PLXNA2: variants seen among roughly 807,000 people sequenced by gnomAD.
The protein encoded by PLXNA2 is plexin-A2.
A neutral mutation model predicts 193.5 loss-of-function variants in PLXNA2; 91 were observed. The ratio of observed to expected loss-of-function variants is 0.47; its 90% confidence interval spans 0.40 to 0.56. The LOEUF is 0.56. Ranked by LOEUF, PLXNA2 falls within the 20% of genes least tolerant of loss-of-function variation. The pLI, the probability that PLXNA2 is intolerant of heterozygous loss-of-function variation, is 0.00. For missense variants in PLXNA2, 1,995 were observed against 2,503.2 expected (o/e 0.80, Z 4.33); for synonymous variants, 997 against 1,027.3 (o/e 0.97, Z 0.56).
chr1:208,104,398 G>A (rs1287242655), intron 4 of PLXNA2, among the ~76,000 whole-genome samples: 1 of 152,210 alleles, frequency 6.6e-6, no homozygotes, highest in Non-Finnish European at 1.5e-5. Context: ...CACAGATTCT[G>A]CCCTCCCAGA....
At chr1:208,138,671 G>A (rs962110854) in intron 4 of PLXNA2, among the ~76,000 whole-genome samples, 5 of 152,208 alleles carry the variant, frequency 3.3e-5, no homozygotes, top group African/African-American at 1.2e-4. Context: ...GATCCCTTGA[G>A]CCCAAGAGTT....
At chr1:208,114,674 C>T (rs574126959) in intron 4 of PLXNA2, among the ~76,000 whole-genome samples, 19 of 152,358 alleles carry the variant, frequency 1.2e-4, no homozygotes, top group Admixed American at 5.2e-4. Context: ...AAAACTTGGG[C>T]ATCTTGTCCT....
chr1:208,130,746 C>G (rs1208211881), intron 4 of PLXNA2, among the ~76,000 whole-genome samples: 1 of 152,174 alleles, frequency 6.6e-6, no homozygotes, highest in African/African-American at 2.4e-5. Context: ...CCTGCCACCT[C>G]CCTCCCGCAA....
chr1:208,170,512 G>A (rs1669461489), intron 3 of PLXNA2, among the ~76,000 whole-genome samples: 1 of 152,222 alleles, frequency 6.6e-6, no homozygotes, highest in Admixed American at 6.5e-5. Flanking sequence ...GGGGCTGGAT[G>A]CCTGCCAGAG....
rs1052972327 is a variant in PLXNA2, at chr1:208,030,591, G to A, written c.5225+999C>T. Reference sequence around the variant, plus strand: ...GGAAGGCTCAGCGACCACAAGACCCGGGAGGAGGAAGGAAGAGATGGGGCT... The same window carrying A: ...GGAAGGCTCAGCGACCACAAGACCCAGGAGGAGGAAGGAAGAGATGGGGCT... On this transcript the variant is annotated intron_variant, in intron 29 of 31. Transcript: ENST00000367033. 14 of 985,294 alleles carry A rather than the reference G, an allele frequency of 1.4e-5. No individual in the cohort carries two copies. The African/African-American group carries it at 1.6e-4, about 11-fold the overall frequency. 61.0% of individuals were successfully genotyped at this position (985,294 alleles called of 1,614,324 possible).
intron 3 of PLXNA2, among the ~76,000 whole-genome samples, chr1:208,161,607 C>T (rs766163214): frequency 2.8e-4 from 43 of 152,134 alleles, no homozygotes; most frequent in Non-Finnish European, 5.6e-4. Flanking sequence ...CTATGGTGCA[C>T]GAGTGTCCTT....
At chr1:208,047,416 C>T (rs1211789799) in intron 17 of PLXNA2, among the ~76,000 whole-genome samples, 2 of 152,236 alleles carry the variant, frequency 1.3e-5, no homozygotes, top group East Asian at 1.9e-4. Context: ...CTGGGCTGGT[C>T]CAGTCCCTCC....
At chr1:208,118,762 T>A (rs952564791) in intron 4 of PLXNA2, among the ~76,000 whole-genome samples, 4 of 152,084 alleles carry the variant, frequency 2.6e-5, no homozygotes, top group African/African-American at 4.8e-5. Flanking sequence ...CTTTTTTTTT[T>A]AAAAGAGGTG....
intron 3 of PLXNA2, among the ~76,000 whole-genome samples, chr1:208,145,853 C>T (rs1354126233): frequency 2.0e-5 from 3 of 152,158 alleles, no homozygotes; most frequent in Non-Finnish European, 4.4e-5. Flanking sequence ...AAAACCAAAC[C>T]AGAACAGAAA....
intron 1 of PLXNA2, among the ~76,000 whole-genome samples, chr1:208,238,557 G>A (rs1373830791): frequency 3.3e-5 from 5 of 152,098 alleles, no homozygotes; most frequent in African/African-American, 9.7e-5. Flanking sequence ...CTGTTAGGCA[G>A]TTATTATCTC....
chr1:208,091,682 C>T (rs1397144763), intron 9 of PLXNA2, among the ~76,000 whole-genome samples: 1 of 151,958 alleles, frequency 6.6e-6, no homozygotes, highest in African/African-American at 2.4e-5. Context: ...ACCATCCTGG[C>T]CAACATGGTG....
intron 2 of PLXNA2, among the ~76,000 whole-genome samples, chr1:208,214,655 T>A (rs1179547876): frequency 6.6e-6 from 1 of 152,182 alleles, no homozygotes; most frequent in African/African-American, 2.4e-5. Context: ...TCCAGAGCCC[T>A]CAGCACTGTG....
chr1:208,051,085 G>T lies in PLXNA2; in HGVS notation c.3179C>A (p.Thr1060Asn). The change falls in exon 17 of 32, where the codon ACC becomes AAC. Residue 1060 changes from threonine (T) to asparagine (N), a missense_variant. Around this residue, in one of 3 missense-constraint regions of PLXNA2, gnomAD observed 1,291 missense variants for 1,673.6 expected, o/e 0.77. Coordinates refer to ENST00000367033, the MANE Select transcript of PLXNA2 (RefSeq NM_025179.4). ...WSIASGHTPL[T>N]ITGFNLDVIQ... Reference sequence around the variant, plus strand: ...GACATCCAGGTTGAAGCCTGTGATGGTCAGGGGTGTGTGGCCACTGAAAAC... The same window carrying T: ...GACATCCAGGTTGAAGCCTGTGATGTTCAGGGGTGTGTGGCCACTGAAAAC... 6.2e-7 allele frequency: 1 copy of T among 1,614,022 alleles called. No individual in the cohort carries two copies. Among genetic ancestry groups the T allele is most frequent in the Non-Finnish European group, 8.5e-7 (1 of 1,179,878 alleles).
intron 3 of PLXNA2, among the ~76,000 whole-genome samples, chr1:208,144,031 A>T (rs186437768): frequency 3.3e-4 from 51 of 152,306 alleles, no homozygotes; most frequent in Non-Finnish European, 6.2e-4. Context: ...CTTAGGGCTG[A>T]ATCAAAGTGA....
intron 29 of PLXNA2, chr1:208,029,509 C>T: frequency 1.0e-6 from 1 of 998,550 alleles, no homozygotes; most frequent in Non-Finnish European, 1.2e-6. Context: ...ACCTGCGCTC[C>T]CCGCCCAGCC....
In PLXNA2 at chr1:208,084,427, G is replaced by A; in HGVS notation, c.2251C>T (p.Pro751Ser). 6.2e-7 allele frequency: 1 copy of A among 1,614,270 alleles called. No individual in the cohort carries two copies. The highest frequency in any genetic ancestry group is 8.5e-7 in the Non-Finnish European group (1 of 1,180,052). The change falls in exon 10 of 32, where the codon CCC (proline) becomes TCC (serine). Residue 751 changes from proline to serine, a missense_variant. This residue lies in a region of PLXNA2 where 1,291 missense variants were observed against 1,673.6 expected (regional missense o/e 0.77). Coordinates refer to ENST00000367033, the MANE Select transcript of PLXNA2 (RefSeq NM_025179.4). ...LNIQGAIHRV[P>S]ALRFNSSSVQ... Reference sequence around the variant, plus strand: ...CTGGAGCTGTTGAAGCGCAGAGCGGGGACCCGGTGGATGGCTCCTTGTATG... The same window carrying A: ...CTGGAGCTGTTGAAGCGCAGAGCGGAGACCCGGTGGATGGCTCCTTGTATG...
rs1664983623 is a variant in PLXNA2 at position 208,044,421 on chromosome 1, TA to T, written c.3874+86del. The T allele has an allele frequency of 1.1e-6, 1 of 908,032 alleles. No homozygotes were observed. Among genetic ancestry groups the T allele is most frequent in the African/African-American group, 1.7e-5 (1 of 60,386 alleles). The allele number at this position is 908,032 out of a possible 1,614,324, so 56.2% of individuals were successfully genotyped here. On this transcript the variant is annotated intron_variant, in intron 20 of 31. Transcript: ENST00000367033. The surrounding 1 kb of genome is among the most constrained non-coding windows in gnomAD (Gnocchi z 4.9). ...GAGGCATGGCTGGCAGCGATGGGAG[TA>T]AAGATAGGAGTTGTCTGCAGGGAGA...
intron 3 of PLXNA2, among the ~76,000 whole-genome samples, chr1:208,197,191 GAAGAAA>G (rs571846586): frequency 6.6e-6 from 1 of 152,186 alleles, no homozygotes; most frequent in Non-Finnish European, 1.5e-5. Context: ...TGATGGTTTA[GAAGAAA>G]AATTATTTTC....
intron 3 of PLXNA2, among the ~76,000 whole-genome samples, chr1:208,172,147 T>C (rs1213980845): frequency 6.6e-6 from 1 of 151,638 alleles, no homozygotes; most frequent in Non-Finnish European, 1.5e-5. Context: ...CAAAGACTTT[T>C]GCACCAACGT....
Sources: allele counts gnomAD v4.1 joint callset (sites outside exome capture counted in the v4.1 genomes callset), GRCh38; gene constraint gnomAD v4.1.1; regional missense constraint gnomAD v4.1.1; non-coding constraint Gnocchi (gnomAD v3.1); transcripts MANE v1.5; gene names NCBI Gene and HGNC (gene_info 2026-07-23, HGNC 2026-07-21).